PTPRC: variants seen among roughly 807,000 people sequenced by gnomAD.
The protein encoded by PTPRC is receptor-type tyrosine-protein phosphatase C.
In PTPRC, 44 loss-of-function variants were observed where a neutral mutation model predicts 155.9. That is an observed-to-expected ratio of 0.28 (90% CI 0.22 to 0.36). The LOEUF (loss-of-function observed/expected upper bound fraction) is 0.36. Among genes scored for constraint, PTPRC ranks in the 10% least tolerant of loss-of-function variants. The pLI is 1.00. For missense variants in PTPRC, 1,401 were observed against 1,564.6 expected (o/e 0.90, Z 1.76); for synonymous variants, 525 against 533.1 (o/e 0.98, Z 0.21).
At chr1:198,752,506 G>A in intron 30 of PTPRC, 88 bp from the exon 31 acceptor site, 1 of 1,518,544 alleles carries the variant, frequency 6.6e-7, no homozygotes. Context: ...TATTTAAATA[G>A]AAGTAACTGT....
Position 198,699,424 on chromosome 1 carries a change from C to T in PTPRC, c.299-140C>T, listed in dbSNP as rs970847420. On this transcript the variant is annotated intron_variant, in intron 4 of 32. Transcript: ENST00000442510. ...CTTTCCAGCCAAGCAAATTTAAATA[C>T]TGACAGACACATTTTAACAGATTCA... The T allele has an allele frequency of 8.6e-6, 9 of 1,044,218 alleles. No homozygotes were observed. The South Asian group carries it at 1.2e-4, about 14-fold the overall frequency. The allele number at this position is 1,044,218 out of a possible 1,614,324, so 64.7% of individuals were successfully genotyped here.
intron 2 of PTPRC, among the ~76,000 whole-genome samples, chr1:198,648,199 A>G (rs1663038740): frequency 6.6e-6 from 1 of 151,902 alleles, no homozygotes; most frequent in African/African-American, 2.4e-5. Context: ...AAGAGGTACT[A>G]GACAATAGTC....
intron 29 of PTPRC, among the ~76,000 whole-genome samples, chr1:198,751,291 T>G (rs190508690): frequency 2.6e-5 from 4 of 152,180 alleles, no homozygotes; most frequent in African/African-American, 7.2e-5. Context: ...TTAATGCTTG[T>G]GACAGATATT....
At chr1:198,725,268 T>C (rs1654081243) in intron 15 of PTPRC, among the ~76,000 whole-genome samples, 1 of 152,182 alleles carries the variant, frequency 6.6e-6, no homozygotes, top group Admixed American at 6.5e-5. Context: ...CCTTTGGTGT[T>C]GATGTTTTCC....
rs182587041 is a variant in PTPRC at position 198,674,066 on chromosome 1, A to G, written c.74-18281A>G. ...AAAAGTTTTCCAAACAAATTATCTTATGTATTTTGACTAAACCCAGATTTA... is the reference window on the plus strand; with the variant it reads ...AAAAGTTTTCCAAACAAATTATCTTGTGTATTTTGACTAAACCCAGATTTA... On this transcript the variant is annotated intron_variant, in intron 2 of 32. Transcript: ENST00000442510. 4.6e-5 allele frequency among the ~76,000 whole-genome samples: 7 copies of G among 152,304 alleles called. No individual in the cohort carries two copies. The South Asian group carries it at 6.2e-4, about 14-fold the overall frequency.
chr1:198,664,555 A>T (rs1571801351), intron 2 of PTPRC, among the ~76,000 whole-genome samples: 1 of 152,182 alleles, frequency 6.6e-6, no homozygotes, highest in Admixed American at 6.5e-5. Context: ...TTTAATAGTC[A>T]TGTTACTTGA....
chr1:198,744,630 C>G (rs1655058754), intron 26 of PTPRC, among the ~76,000 whole-genome samples: 1 of 151,822 alleles, frequency 6.6e-6, no homozygotes, highest in African/African-American at 2.4e-5. Flanking sequence ...GGTAGACACA[C>G]AGTAAAGGAT....
In PTPRC at chr1:198,742,518, A is replaced by C. The variant is rs1654951278; in HGVS notation, c.2697+151A>C. Reference sequence around the variant, plus strand: ...TGAAAACTAAAACGTGGTAATCACCAGAAATACTTAGAAGCATTTTTCATT... The same window carrying C: ...TGAAAACTAAAACGTGGTAATCACCCGAAATACTTAGAAGCATTTTTCATT... On this transcript the variant is annotated intron_variant, in intron 25 of 32. Transcript: ENST00000442510. The C allele has an allele frequency of 9.5e-6, 9 of 944,780 alleles. No homozygotes were observed. In the East Asian group the frequency reaches 2.4e-4, roughly 25 times the overall value. 58.5% of individuals were successfully genotyped at this position (944,780 alleles called of 1,614,324 possible). A position where few individuals can be genotyped will look rare whatever the true frequency, so the allele number is the denominator to read the frequency against.
Position 198,718,150 on chromosome 1 carries a change from G to T in PTPRC, c.1507G>T (p.Val503Phe), listed in dbSNP as rs1193789799. 1 of 1,613,850 alleles carries T rather than the reference G, an allele frequency of 6.2e-7. No homozygotes were observed. The highest frequency in any genetic ancestry group is 8.5e-7 in the Non-Finnish European group (1 of 1,179,886). ...CATGACATCAGATAATAGTATGCAT[G>T]TCAAGTGTAGGCCTCCCAGGGACCG... ...VSMTSDNSMHVKCRPPRDRNG... is the reference protein window; with the variant it reads ...VSMTSDNSMHFKCRPPRDRNG... Residue 503 changes from valine (V) to phenylalanine (F), a missense_variant, in exon 14 of 33, where the codon GTC (valine) becomes TTC (phenylalanine). By Grantham distance (50) the Val-to-Phe change is conservative. This residue lies in a region of PTPRC where 867 missense variants were observed against 970.4 expected (regional missense o/e 0.89). Coordinates refer to ENST00000442510, the MANE Select transcript of PTPRC (RefSeq NM_002838.5).
At position 198,704,518 on chromosome 1, in the gene PTPRC, A is replaced by C. The variant is rs775823848; in HGVS notation, c.685+20A>C. 3 of 1,614,048 alleles carry C rather than the reference A, an allele frequency of 1.9e-6. No homozygotes were observed. Among genetic ancestry groups the C allele is most frequent in the Non-Finnish European group, 1.7e-6 (2 of 1,179,944 alleles). ...CATGTGGTAAGTTTATTTACTTAGA[A>C]TCAGCATACCTCACTTTGGAATAGC... On this transcript the variant is annotated intron_variant, in intron 8 of 32. Transcript: ENST00000442510.
In PTPRC at chr1:198,734,160, C is replaced by T. The variant is rs182554657; in HGVS notation, c.2143-36C>T. The T allele has an allele frequency of 9.8e-4, 1,573 of 1,597,744 alleles. 15 individuals are homozygous for T. In the African/African-American group the frequency reaches 0.019, roughly 19 times the overall value. On this transcript the variant is annotated intron_variant, in intron 20 of 32. Transcript: ENST00000442510. ...TCCTGTTAATGAGTAATTGAATGTT[C>T]AGCAAATGACATATCTCTGCATGTG...
chr1:198,680,181 A>G, intron 2 of PTPRC: 1 of 378,216 alleles, frequency 2.6e-6, no homozygotes, highest in Non-Finnish European at 4.7e-6. Context: ...TAAAGGCTTC[A>G]CAAACTGTCT....
chr1:198,722,442 TGG>T lies in PTPRC; in HGVS notation c.1687_1688del (p.Gly563ArgfsTer12). The stretch of plus-strand genomic sequence containing the variant: ...CCTATTTTCACAATGGAGACTATCC[TGG>T]AGAACCCTTTATTTTACATCATTCA... ...KAYFHNGDYP[G>X]EPFILHHSTS... is the part of the protein sequence containing the mutation. On this transcript the variant is annotated frameshift_variant, in exon 15 of 33. Transcript: ENST00000442510. LOFTEE classifies it high-confidence loss of function. The T allele has an allele frequency of 6.8e-7, 1 of 1,474,382 alleles. No individual in the cohort carries two copies. 91.3% of individuals were successfully genotyped at this position (1,474,382 alleles called of 1,614,324 possible).
chr1:198,677,432 G>A (rs141557804), intron 2 of PTPRC, among the ~76,000 whole-genome samples: 1 of 151,224 alleles, frequency 6.6e-6, no homozygotes, highest in Non-Finnish European at 1.5e-5. Flanking sequence ...TTTCTGAAAT[G>A]TACTAGATTC....
intron 15 of PTPRC, among the ~76,000 whole-genome samples, chr1:198,724,430 T>C (rs1654033838): frequency 6.6e-6 from 1 of 152,096 alleles, no homozygotes; most frequent in African/African-American, 2.4e-5. Flanking sequence ...CCCCCATCAG[T>C]TTTCTGGTTT....
chr1:198,659,195 A>T (rs1571793449), intron 2 of PTPRC, among the ~76,000 whole-genome samples: 2 of 152,154 alleles, frequency 1.3e-5, no homozygotes, highest in East Asian at 3.9e-4. Context: ...TCTAAGAAGG[A>T]GACACCAGCT....
intron 2 of PTPRC, among the ~76,000 whole-genome samples, chr1:198,671,020 T>A (rs1257585679): frequency 6.6e-6 from 1 of 152,158 alleles, no homozygotes; most frequent in Non-Finnish European, 1.5e-5. Flanking sequence ...AAAACTTTAA[T>A]CATTTCATAG....
intron 2 of PTPRC, among the ~76,000 whole-genome samples, chr1:198,650,762 C>T (rs1349997789): frequency 6.6e-6 from 1 of 151,690 alleles, no homozygotes; most frequent in Non-Finnish European, 1.5e-5. Flanking sequence ...TAGAGAGTAG[C>T]AGATGACTGG....
intron 26 of PTPRC, among the ~76,000 whole-genome samples, chr1:198,746,379 G>T (rs1281626049): frequency 6.6e-6 from 1 of 151,700 alleles, no homozygotes; most frequent in Non-Finnish European, 1.5e-5. Context: ...GGTAAATGGG[G>T]TGTGAGGAGG....
Sources: allele counts gnomAD v4.1 joint callset (sites outside exome capture counted in the v4.1 genomes callset), GRCh38; gene constraint gnomAD v4.1.1; regional missense constraint gnomAD v4.1.1; transcripts MANE v1.5; gene names NCBI Gene and HGNC (gene_info 2026-07-23, HGNC 2026-07-21).